Variants in TUBGCP5 observed in about 807,000 individuals in gnomAD.
TUBGCP5 encodes gamma-tubulin complex component 5.
In TUBGCP5, 98 loss-of-function variants were observed where a neutral mutation model predicts 134.7. That is an observed-to-expected ratio of 0.73 (90% CI 0.62 to 0.86). The LOEUF (loss-of-function observed/expected upper bound fraction) is 0.86, where lower values mean the gene tolerates loss of function less well. TUBGCP5 is among the 40% of genes least tolerant of loss of function. The pLI is 0.00. For synonymous variants in TUBGCP5, 456 were observed against 431.4 expected (o/e 1.06, Z -0.71); for missense variants, 1,150 against 1,244.8 (o/e 0.92, Z 1.15).
chr15:23,005,183 C>A (rs1417977222), intron 19 of TUBGCP5, among the ~76,000 whole-genome samples: 1 of 152,106 alleles, frequency 6.6e-6, no homozygotes, highest in Non-Finnish European at 1.5e-5. Context: ...TTCCAGAAGA[C>A]GAGCTGTGGC....
In TUBGCP5 at chr15:23,022,518, A is replaced by C. The variant is rs374282084; in HGVS notation, c.1169-357T>G. Reference sequence around the variant, plus strand: ...ACCTCCCAATGGGCTAATGTTACAGAGAGGGGTGAGGGAGGCTGTGCCTAC... The same window carrying C: ...ACCTCCCAATGGGCTAATGTTACAGCGAGGGGTGAGGGAGGCTGTGCCTAC... On this transcript the variant is annotated intron_variant, in intron 10 of 22. Transcript: ENST00000615383. Among the ~76,000 whole-genome samples the C allele has an allele frequency of 3.3e-5, 5 of 152,240 alleles. No homozygotes were observed. In the East Asian group the frequency reaches 7.7e-4, roughly 23 times the overall value.
chr15:22,992,063 G>T (rs73411362), intron 23 of TUBGCP5, among the ~76,000 whole-genome samples: 3,427 of 152,258 alleles, frequency 0.023, 129 homozygotes, highest in African/African-American at 0.079. Context: ...GTCATTTACA[G>T]AACAAGAACA....
At chr15:23,005,767 T>C in intron 18 of TUBGCP5, 157 bp from the exon 19 acceptor site, 1 of 791,818 alleles carries the variant, frequency 1.3e-6, no homozygotes, top group South Asian at 2.0e-5. Flanking sequence ...CTCTGGAAGG[T>C]GCAGTGGGAA....
intron 5 of TUBGCP5, 63 bp from the exon 6 acceptor site, chr15:23,031,083 A>G: frequency 6.3e-6 from 9 of 1,433,754 alleles, no homozygotes; most frequent in Non-Finnish European, 8.3e-6. Flanking sequence ...TATTTACATT[A>G]AAAGACTAAG....
At chr15:23,000,210 A>G (rs774865654) in intron 22 of TUBGCP5, 18 of 1,124,730 alleles carry the variant, frequency 1.6e-5, no homozygotes, top group Non-Finnish European at 2.0e-5. Context: ...CCAGGCCAGG[A>G]GCTTTAAATT....
At chr15:23,006,855 A>G in intron 16 of TUBGCP5, among the ~76,000 whole-genome samples, 1 of 152,212 alleles carries the variant, frequency 6.6e-6, no homozygotes, top group Non-Finnish European at 1.5e-5. Context: ...CACAGAGGAA[A>G]GCAAGCATCT....
intron 23 of TUBGCP5, chr15:22,983,626 A>G (rs2063595416): frequency 6.6e-6 from 1 of 152,074 alleles, no homozygotes; most frequent in African/African-American, 2.4e-5. Context: ...AAATAAATAA[A>G]TAAATAAATT....
At chr15:22,990,688 T>C (rs575768531) in intron 23 of TUBGCP5, among the ~76,000 whole-genome samples, 1 of 152,284 alleles carries the variant, frequency 6.6e-6, no homozygotes, top group South Asian at 2.1e-4. Flanking sequence ...TGCTGCTTTG[T>C]TATAGCAGCC....
chr15:23,004,265 T>G (rs771042528), intron 19 of TUBGCP5, 38 bp from the exon 20 acceptor site: 15 of 1,600,088 alleles, frequency 9.4e-6, no homozygotes, highest in Non-Finnish European at 7.7e-6. Flanking sequence ...TCAGCAGCCT[T>G]CTTTGAGGAC....
At chr15:23,005,676 C>A in intron 18 of TUBGCP5, 66 bp from the exon 19 acceptor site, 2 of 1,495,280 alleles carry the variant, frequency 1.3e-6, no homozygotes, top group South Asian at 1.2e-5. Context: ...TGCACCATGA[C>A]GCCTGGCAGA....
chr15:22,991,967 T>C (rs2063858607), intron 23 of TUBGCP5, among the ~76,000 whole-genome samples: 1 of 152,122 alleles, frequency 6.6e-6, no homozygotes, highest in African/African-American at 2.4e-5. Context: ...CTGGTCCACA[T>C]TAGGTACCGG....
chr15:23,001,765 C>T (rs954752788), intron 21 of TUBGCP5, among the ~76,000 whole-genome samples: 1 of 151,948 alleles, frequency 6.6e-6, no homozygotes, highest in Non-Finnish European at 1.5e-5. Flanking sequence ...GCTTACACCT[C>T]CACAGCCCCA....
chr15:22,990,705 G>C (rs2063819824), intron 23 of TUBGCP5, among the ~76,000 whole-genome samples: 1 of 152,164 alleles, frequency 6.6e-6, no homozygotes. Context: ...AGCCTTAACA[G>C]ACTAAGACAG....
chr15:23,015,388 T>A (rs933697056), intron 13 of TUBGCP5, among the ~76,000 whole-genome samples: 2 of 146,738 alleles, frequency 1.4e-5, no homozygotes, highest in African/African-American at 5.1e-5. Flanking sequence ...ACGCCTGCAA[T>A]CCCAATACTT....
rs372669937 is a variant in TUBGCP5, at chr15:23,013,416, A to G, written c.1757-2085T>C. On this transcript the variant is annotated intron_variant, in intron 13 of 22. Coordinates refer to ENST00000615383, the MANE Select transcript of TUBGCP5 (RefSeq NM_052903.6). The surrounding 1 kb of genome is among the most constrained non-coding windows in gnomAD (Gnocchi z 4.5). ...AGCCGAGATCGCGCCGCTGCACTCC[A>G]GCCTGGGCGACAGGGAAAGACTCCG... is the stretch of plus-strand genomic sequence containing the variant. 2.4e-3 allele frequency among the ~76,000 whole-genome samples: 368 copies of G among 152,150 alleles called. 1 individual carries two copies. The highest frequency in any genetic ancestry group is 6.8e-3 in the Middle Eastern group (2 of 294).
chr15:23,009,371 C>A (rs2064904631), intron 15 of TUBGCP5, among the ~76,000 whole-genome samples: 1 of 151,864 alleles, frequency 6.6e-6, no homozygotes, highest in African/African-American at 2.4e-5. Context: ...TGGGTTCACG[C>A]CATTCTCCTG....
chr15:23,026,499 A>G (rs973424716), intron 7 of TUBGCP5, among the ~76,000 whole-genome samples: 1 of 152,216 alleles, frequency 6.6e-6, no homozygotes, highest in African/African-American at 2.4e-5. Context: ...ATACCAAAAC[A>G]GAAATCAAAT....
At position 23,039,563 on chromosome 15, in the gene TUBGCP5, C is replaced by A; in HGVS notation, c.-20G>T. 7.2e-7 allele frequency: 1 copy of A among 1,379,374 alleles called. No individual in the cohort carries two copies. The highest frequency in any genetic ancestry group is 9.5e-7 in the Non-Finnish European group (1 of 1,051,458). 85.4% of individuals were successfully genotyped at this position (1,379,374 alleles called of 1,614,324 possible). On this transcript the variant is annotated 5_prime_UTR_variant, in exon 1 of 23. Transcript: ENST00000615383. ...CGCCATGTTCCGCGCTCCTGCAGCG[C>A]GCGTCTAACGAATTGGTGCCTGTCG...
intron 3 of TUBGCP5, among the ~76,000 whole-genome samples, chr15:23,036,240 G>C (rs541592830): frequency 3.3e-5 from 5 of 152,138 alleles, no homozygotes; most frequent in Non-Finnish European, 7.3e-5. Flanking sequence ...TGGTCACCAA[G>C]GCTCAGCCGA....
Sources: gnomAD v4.1 joint callset for allele counts (sites outside exome capture counted in the v4.1 genomes callset) on GRCh38, gnomAD v4.1.1 for gene constraint, Gnocchi (gnomAD v3.1) non-coding constraint, MANE v1.5 for transcripts, NCBI Gene and HGNC (gene_info 2026-07-23, HGNC 2026-07-21) for gene names.